LRRC19: variants seen among roughly 807,000 people sequenced by gnomAD.
LRRC19 encodes the protein leucine rich repeat containing 19, also known as leucine-rich repeat-containing protein 19.
Under a neutral mutation model 33.3 loss-of-function variants are expected in LRRC19, and 33 were observed. That is an observed-to-expected ratio of 0.99 (90% CI 0.75 to 1.33). The LOEUF is 1.33. Among genes scored for constraint, LRRC19 ranks in the 40% most tolerant of loss-of-function variants. The pLI is 0.00. For synonymous variants in LRRC19, 184 were observed against 152.3 expected (o/e 1.21, Z -1.53); for missense variants, 463 against 417.3 (o/e 1.11, Z -0.95).
At chr9:26,997,682 C>T (rs1297684765) in intron 3 of LRRC19, 46 bp downstream of exon 3, 1 of 1,532,736 alleles carries the variant, frequency 6.5e-7, no homozygotes, top group South Asian at 1.3e-5. Context: ...TGTGGTGGAA[C>T]ATTGAGTTAA....
At chr9:26,997,073 G>C (rs181160862) in intron 3 of LRRC19, among the ~76,000 whole-genome samples, 1 of 151,794 alleles carries the variant, frequency 6.6e-6, no homozygotes, top group East Asian at 2.0e-4. Context: ...TTAGCCAGGC[G>C]TGGTGGCTCA....
chr9:26,997,757 T>C lies in LRRC19; in HGVS notation c.566A>G (p.Asn189Ser), dbSNP rs1440809951. 1.2e-6 allele frequency: 2 copies of C among 1,610,574 alleles called. No individual in the cohort carries two copies. The highest frequency in any genetic ancestry group is 3.4e-5 in the Admixed American group (2 of 59,190). The part of the protein sequence containing the change: ...NCSCSLFNLQ[N>S]WLNTSNVTLE... The stretch of plus-strand genomic sequence containing the variant: ...TGTCACATTTGATGTGTTCAACCAG[T>C]TCTGCAAATTAAATAGACTGCAAGA... Residue 189 changes from asparagine to serine, a missense_variant, in exon 3 of 5, where the codon AAC (asparagine) becomes AGC (serine). By Grantham distance (46) the Asn-to-Ser change is conservative (BLOSUM62 1). Transcript: ENST00000380055.
In LRRC19 at chr9:26,993,154, G is replaced by A. The variant is rs1329236146; in HGVS notation, c.*2367C>T. On this transcript the variant is annotated 3_prime_UTR_variant, in exon 5 of 5. Transcript: ENST00000380055. ...ATACCCATTTATTTTTCTTTGTGTA[G>A]TCAGATATTTATTGAATACCCCATA... 14 of 151,978 alleles carry A rather than the reference G, an allele frequency of 9.2e-5. No individual in the cohort carries two copies. The highest frequency in any genetic ancestry group is 3.1e-4 in the African/African-American group (13 of 41,378). 9.4% of individuals were successfully genotyped at this position (151,978 alleles called of 1,614,324 possible).
chr9:26,996,721 T>C (rs150507020), intron 3 of LRRC19, among the ~76,000 whole-genome samples: 252 of 152,308 alleles, frequency 1.7e-3, no homozygotes, highest in African/African-American at 5.6e-3. Context: ...ATTTAGTTTA[T>C]CTGTATTAGT....
intron 3 of LRRC19, 75 bp from the exon 4 acceptor site, chr9:26,996,574 A>T (rs1327515057): frequency 9.4e-7 from 1 of 1,059,014 alleles, no homozygotes; most frequent in Non-Finnish European, 1.2e-6. Context: ...TGTTTTATCT[A>T]GAATTTTTGA....
intron 1 of LRRC19, among the ~76,000 whole-genome samples, chr9:27,000,359 T>G (rs1401174209): frequency 6.6e-6 from 1 of 152,198 alleles, no homozygotes; most frequent in Non-Finnish European, 1.5e-5. Flanking sequence ...TTATGCATGT[T>G]TAAGTATATG....
intron 4 of LRRC19, among the ~76,000 whole-genome samples, 190 bp from the exon 5 acceptor site, chr9:26,996,039 T>C (rs562438825): frequency 1.1e-4 from 16 of 152,316 alleles, no homozygotes; most frequent in African/African-American, 3.8e-4. Flanking sequence ...TTTGTTACCC[T>C]TTTACCTAAG....
chr9:27,002,934 A>AT (rs202090668), intron 1 of LRRC19, among the ~76,000 whole-genome samples: 93 of 150,494 alleles, frequency 6.2e-4, no homozygotes, highest in East Asian at 3.9e-3. Context: ...TTATATTTCC[A>AT]TTTTTTTTTG....
In LRRC19 at chr9:26,993,894, A is replaced by G. The variant is rs1423394085; in HGVS notation, c.*1627T>C. ...ATATTTCATTATTTCAGAGATATAC[A>G]TATTTGTAAAAGATGTAAATTCTTA... On this transcript the variant is annotated 3_prime_UTR_variant, in exon 5 of 5. Coordinates refer to ENST00000380055, the MANE Select transcript of LRRC19 (RefSeq NM_022901.3). The G allele has an allele frequency of 2.0e-5, 3 of 152,212 alleles. No homozygotes were observed. Among genetic ancestry groups the G allele is most frequent in the African/African-American group, 4.8e-5 (2 of 41,462 alleles). The allele number at this position is 152,212 out of a possible 1,614,324, so 9.4% of individuals were successfully genotyped here. A position where few individuals can be genotyped will look rare whatever the true frequency, so the allele number is the denominator to read the frequency against.
At chr9:26,996,278 C>A in intron 4 of LRRC19, 33 bp downstream of exon 4, 1 of 1,212,892 alleles carries the variant, frequency 8.2e-7, no homozygotes, top group South Asian at 1.8e-5. Context: ...ATGATACATT[C>A]AGCAGTGTTA....
At position 26,995,782 on chromosome 9, in the gene LRRC19, T is replaced by G. The variant is rs758435093; in HGVS notation, c.852A>C (p.Ser284=). 8.1e-6 allele frequency: 13 copies of G among 1,613,664 alleles called. No individual in the cohort carries two copies. In the Admixed American group the frequency reaches 1.8e-4, roughly 23 times the overall value. Residue 284 remains serine, a synonymous_variant, in exon 5 of 5, where the codon TCA becomes TCC. Coordinates refer to ENST00000380055, the MANE Select transcript of LRRC19 (RefSeq NM_022901.3). ...VGVVVTVLTT[S]LLIFIAIKCP... ...ATTTGATAGCAATAAAAATGAGAAG[T>G]GAAGTCGTCAGTACAGTGACAACAA...
At chr9:26,996,796 T>C (rs1236095402) in intron 3 of LRRC19, among the ~76,000 whole-genome samples, 6 of 152,210 alleles carry the variant, frequency 3.9e-5, no homozygotes, top group Non-Finnish European at 8.8e-5. Context: ...CAGTATGGTT[T>C]GCAGTTAAAA....
Position 26,998,208 on chromosome 9 carries a change from T to C in LRRC19, c.115A>G (p.Thr39Ala). 6.6e-7 allele frequency: 1 copy of C among 1,508,360 alleles called. No homozygotes were observed. Among genetic ancestry groups the C allele is most frequent in the South Asian group, 1.3e-5 (1 of 76,414 alleles). 93.4% of individuals were successfully genotyped at this position (1,508,360 alleles called of 1,614,324 possible). A position where few individuals can be genotyped will look rare whatever the true frequency, so the allele number is the denominator to read the frequency against. ...TTCTTGATATCTGCTGGAATCAAGG[T>C]ATAATTTTTTTCAGTAAAATTACAT... ...VQCNFTEKNY[T>A]LIPADIKKDV... The change falls in exon 3 of 5, where the codon ACC becomes GCC. Residue 39 changes from threonine (T) to alanine (A), a missense_variant. Thr to Ala is a moderately conservative substitution (Grantham distance 58). Coordinates refer to ENST00000380055, the MANE Select transcript of LRRC19 (RefSeq NM_022901.3).
rs1288761292 is a variant in LRRC19 at position 27,005,358 on chromosome 9, CCCG to C, written c.-10+231_-10+233del. On this transcript the variant is annotated intron_variant, in intron 1 of 4. Transcript: ENST00000380055. Reference sequence around the variant, plus strand: ...TTGGCTAGATGAAACCATTTCCCCCCCCGCCCCCCGCAAAACAATTACTTAGTA... The same window carrying C: ...TTGGCTAGATGAAACCATTTCCCCCCCCCCCCGCAAAACAATTACTTAGTA... Among the ~76,000 whole-genome samples the C allele has an allele frequency of 5.6e-4, 26 of 46,154 alleles. 1 individual carries two copies. Among genetic ancestry groups the C allele is most frequent in the African/African-American group, 8.2e-4 (10 of 12,258 alleles). The allele number at this position is 46,154 out of a possible 152,430, so 30.3% of individuals were successfully genotyped here.
At chr9:27,001,508 G>T in intron 1 of LRRC19, among the ~76,000 whole-genome samples, 1 of 152,002 alleles carries the variant, frequency 6.6e-6, no homozygotes, top group Non-Finnish European at 1.5e-5. Flanking sequence ...CTTTAATGGG[G>T]GTGAGATTAT....
chr9:26,999,376 T>C, intron 2 of LRRC19, among the ~76,000 whole-genome samples: 1 of 152,278 alleles, frequency 6.6e-6, no homozygotes, highest in East Asian at 1.9e-4. Flanking sequence ...AAAACTAATT[T>C]CTGATTTTAT....
At chr9:27,000,938 A>G (rs1470407497) in intron 1 of LRRC19, among the ~76,000 whole-genome samples, 2 of 152,084 alleles carry the variant, frequency 1.3e-5, no homozygotes, top group African/African-American at 2.4e-5. Context: ...GCATTAATAA[A>G]CTTTTCTGCA....
At chr9:26,999,920 A>C (rs571938545) in intron 1 of LRRC19, among the ~76,000 whole-genome samples, 1 of 152,014 alleles carries the variant, frequency 6.6e-6, no homozygotes, top group East Asian at 1.9e-4. Context: ...ACAAGCATGC[A>C]CTACCATGCC....
chr9:27,005,313 A>G (rs768787590), intron 1 of LRRC19, among the ~76,000 whole-genome samples: 79 of 148,232 alleles, frequency 5.3e-4, no homozygotes, highest in Non-Finnish European at 1.1e-3. Context: ...ATTTTAAAAT[A>G]AAAATTCTTA....
Sources: gnomAD v4.1 joint callset for allele counts (sites outside exome capture counted in the v4.1 genomes callset) on GRCh38, gnomAD v4.1.1 for gene constraint, MANE v1.5 for transcripts, NCBI Gene and HGNC (gene_info 2026-07-23, HGNC 2026-07-21) for gene names.